The following DNAI7 variants were observed in gnomAD, a reference collection of about 807,000 sequenced individuals.
DNAI7 encodes dynein axonemal intermediate chain 7.
A neutral mutation model predicts 86.6 loss-of-function variants in DNAI7; 78 were observed. That is an observed-to-expected ratio of 0.90 (90% CI 0.75 to 1.09). The LOEUF (loss-of-function observed/expected upper bound fraction) is 1.09. Ranked by LOEUF, DNAI7 falls within the 50% of genes least tolerant of loss-of-function variation. The pLI is 0.00. For missense variants in DNAI7, 753 were observed against 810.2 expected (o/e 0.93, Z 0.86); for synonymous variants, 274 against 273.0 (o/e 1.00, Z -0.04).
chr12:25,151,433 T>C (rs912085730), intron 6 of DNAI7, among the ~76,000 whole-genome samples: 11 of 152,346 alleles, frequency 7.2e-5, no homozygotes, highest in African/African-American at 2.2e-4. Flanking sequence ...TTTCTTCCTT[T>C]CCTATTGTTG....
At chr12:25,174,344 T>C (rs1230657427) in intron 2 of DNAI7, among the ~76,000 whole-genome samples, 1 of 113,990 alleles carries the variant, frequency 8.8e-6, no homozygotes, top group East Asian at 2.2e-4. Flanking sequence ...ATATGATATA[T>C]ATATGATATA....
At chr12:25,147,564 G>A (rs182888076) in intron 7 of DNAI7, among the ~76,000 whole-genome samples, 37 of 152,226 alleles carry the variant, frequency 2.4e-4, no homozygotes, top group Admixed American at 2.4e-3. Flanking sequence ...ATCCTAGGTG[G>A]AAGTATTGCT....
intron 1 of DNAI7, among the ~76,000 whole-genome samples, chr12:25,191,866 T>C (rs1020322381): frequency 2.0e-5 from 3 of 152,230 alleles, no homozygotes; most frequent in African/African-American, 4.8e-5. Flanking sequence ...TATACTTTCC[T>C]GATTAGGCTC....
intron 2 of DNAI7, among the ~76,000 whole-genome samples, chr12:25,164,125 G>A (rs7315616): frequency 0.047 from 7,060 of 151,010 alleles, 451 homozygotes; most frequent in African/African-American, 0.14. Context: ...CCTTCTCTCC[G>A]TGTCTCTACC....
chr12:25,120,799 G>T (rs750330015), intron 11 of DNAI7, among the ~76,000 whole-genome samples: 4 of 152,206 alleles, frequency 2.6e-5, no homozygotes, highest in Non-Finnish European at 5.9e-5. Context: ...TAAAACAGGG[G>T]TGAGAAACTC....
At chr12:25,189,374 C>T (rs1275807650) in intron 2 of DNAI7, among the ~76,000 whole-genome samples, 2 of 152,214 alleles carry the variant, frequency 1.3e-5, no homozygotes, top group Non-Finnish European at 2.9e-5. Context: ...GGCGCAGTGA[C>T]TCATGCCTGT....
Position 25,134,088 on chromosome 12 carries a change from G to C in DNAI7, c.1002+10277C>G, listed in dbSNP as rs578112186. ...CTGCTCACTGCAGCCTCGACCTCCT[G>C]GGCTCAGGCAATCCTCTCACCTCAG... On this transcript the variant is annotated intron_variant, in intron 9 of 15. Transcript: ENST00000395987. Among the ~76,000 whole-genome samples, 3 of 152,112 alleles carry C rather than the reference G, an allele frequency of 2.0e-5. No individual in the cohort carries two copies. In the South Asian group the frequency reaches 6.2e-4, roughly 32 times the overall value.
intron 2 of DNAI7, among the ~76,000 whole-genome samples, chr12:25,188,009 G>T (rs1950191621): frequency 6.6e-6 from 1 of 152,190 alleles, no homozygotes; most frequent in African/African-American, 2.4e-5. Context: ...TTTGCAGTCT[G>T]ACTCATACCA....
At chr12:25,107,783 C>T (rs200457909), downstream of DNAI7, 73 of 1,593,582 alleles carry the variant, frequency 4.6e-5, no homozygotes, top group Middle Eastern at 1.7e-4. Flanking sequence ...GACAAATTAC[C>T]GATTACCAAA....
chr12:25,179,814 T>G (rs1298813386), intron 2 of DNAI7, among the ~76,000 whole-genome samples: 1 of 151,228 alleles, frequency 6.6e-6, no homozygotes, highest in African/African-American at 2.4e-5. Flanking sequence ...CATCTATGTA[T>G]GACAAACCCA....
chr12:25,121,063 C>T (rs1249165185), intron 11 of DNAI7, among the ~76,000 whole-genome samples: 2 of 152,174 alleles, frequency 1.3e-5, no homozygotes, highest in East Asian at 1.9e-4. Flanking sequence ...AGGATTCAGA[C>T]TAGTGATTTC....
chr12:25,134,185 G>A (rs1341698207), intron 9 of DNAI7, among the ~76,000 whole-genome samples: 2 of 151,634 alleles, frequency 1.3e-5, no homozygotes, highest in African/African-American at 4.8e-5. Flanking sequence ...TAGTACAGAC[G>A]AGGTCTTGAT....
intron 2 of DNAI7, among the ~76,000 whole-genome samples, chr12:25,176,916 T>C (rs1356772096): frequency 6.7e-6 from 1 of 148,832 alleles, no homozygotes; most frequent in Non-Finnish European, 1.5e-5. Flanking sequence ...TTTTTTTTTT[T>C]TTTTGAGATG....
intron 14 of DNAI7, among the ~76,000 whole-genome samples, chr12:25,110,868 C>T (rs1164389910): frequency 6.6e-6 from 1 of 152,036 alleles, no homozygotes; most frequent in African/African-American, 2.4e-5. Flanking sequence ...TTGTTTCATT[C>T]ATTGCTATAT....
intron 6 of DNAI7, among the ~76,000 whole-genome samples, chr12:25,152,435 C>T (rs753490891): frequency 2.6e-5 from 4 of 152,246 alleles, no homozygotes; most frequent in African/African-American, 7.2e-5. Context: ...GAGAACTTTC[C>T]GGTTGGTGAA....
intron 1 of DNAI7, chr12:25,194,765 T>A: frequency 1.1e-6 from 1 of 936,400 alleles, no homozygotes; most frequent in Non-Finnish European, 1.6e-6. Flanking sequence ...TGGGAACGTC[T>A]ATCACTACTG....
In DNAI7 at chr12:25,195,069, T is replaced by C. The variant is rs774993135; in HGVS notation, c.3+7A>G. ...CTCCACCTGTCTGCCTCATTTGCCTTGCTCACCATTAAGAGTCAAGCTCCA... is the reference window on the plus strand; with the variant it reads ...CTCCACCTGTCTGCCTCATTTGCCTCGCTCACCATTAAGAGTCAAGCTCCA... On this transcript the variant is annotated splice_region_variant and intron_variant, in intron 1 of 15. Coordinates refer to ENST00000395987, the MANE Select transcript of DNAI7 (RefSeq NM_018272.5). 3 of 1,614,254 alleles carry C rather than the reference T, an allele frequency of 1.9e-6. No homozygotes were observed. The South Asian group carries it at 3.3e-5, about 18-fold the overall frequency.
intron 2 of DNAI7, among the ~76,000 whole-genome samples, chr12:25,178,212 C>T (rs1378753060): frequency 6.6e-6 from 1 of 152,150 alleles, no homozygotes; most frequent in Non-Finnish European, 1.5e-5. Context: ...GAAAAACTAG[C>T]ATATAAAGAC....
chr12:25,177,697 T>C (rs946129707), intron 2 of DNAI7, among the ~76,000 whole-genome samples: 1 of 152,188 alleles, frequency 6.6e-6, no homozygotes, highest in Non-Finnish European at 1.5e-5. Context: ...GTACGTACAT[T>C]TTCAACTTTA....
Sources: allele counts gnomAD v4.1 joint callset (sites outside exome capture counted in the v4.1 genomes callset), GRCh38; gene constraint gnomAD v4.1.1; transcripts MANE v1.5; gene names NCBI Gene and HGNC (gene_info 2026-07-23, HGNC 2026-07-21).